The following EFCAB8 variants were observed in gnomAD, a reference collection of about 807,000 sequenced individuals.
EFCAB8 encodes the protein EF-hand calcium binding domain 8.
EFCAB8 carries 100 observed loss-of-function variants against 116.3 expected under a neutral mutation model. That is an observed-to-expected ratio of 0.86 (90% CI 0.73 to 1.02). EFCAB8 has a LOEUF of 1.02. Among genes scored for constraint, EFCAB8 ranks in the 50% least tolerant of loss-of-function variants. EFCAB8 has a pLI of 0.00. For missense variants in EFCAB8, 1,320 were observed against 1,416.9 expected, an observed-to-expected ratio of 0.93 and a Z score of 1.10; for synonymous variants, 558 against 567.9, an observed-to-expected ratio of 0.98 and a Z score of 0.25.
chr20:32,915,829 A>G (rs1185618341), intron 17 of EFCAB8, among the ~76,000 whole-genome samples: 1 of 151,920 alleles, frequency 6.6e-6, no homozygotes, highest in African/African-American at 2.4e-5. Context: ...GTGCCACCAC[A>G]CCTGGCTAAT....
Position 32,861,887 on chromosome 20 carries a change from A to T in EFCAB8, c.-10-1896A>T, listed in dbSNP as rs575665923. On this transcript the variant is annotated intron_variant, in intron 1 of 26. Transcript: ENST00000400522. ...GGCTCTTTTTTATGCATGTGCCAAT[A>T]TGCACATGCATATATTCTTAACAGA... Among the ~76,000 whole-genome samples, 7 of 152,066 alleles carry T rather than the reference A, an allele frequency of 4.6e-5. No homozygotes were observed. The East Asian group carries it at 1.4e-3, about 29-fold the overall frequency.
At chr20:32,859,914 C>T (rs990932233) in intron 1 of EFCAB8, among the ~76,000 whole-genome samples, 2 of 152,188 alleles carry the variant, frequency 1.3e-5, no homozygotes, top group Non-Finnish European at 1.5e-5. Context: ...TTTTCCCAAT[C>T]GGATTCAATT....
At chr20:32,920,318 T>A in intron 20 of EFCAB8, 103 bp downstream of exon 20, 1 of 1,441,678 alleles carries the variant, frequency 6.9e-7, no homozygotes, top group Non-Finnish European at 9.3e-7. Context: ...GGGCCCGGCC[T>A]GATTCTCCCC....
chr20:32,876,338 C>T (rs1984972965), intron 4 of EFCAB8, among the ~76,000 whole-genome samples: 1 of 152,200 alleles, frequency 6.6e-6, no homozygotes, highest in Non-Finnish European at 1.5e-5. Context: ...CACCAACCTC[C>T]CATTTGGCTT....
intron 23 of EFCAB8, among the ~76,000 whole-genome samples, chr20:32,946,589 T>G (rs898430755): frequency 1.3e-5 from 2 of 152,206 alleles, no homozygotes; most frequent in African/African-American, 4.8e-5. Context: ...TCTTTGACTA[T>G]CCCCTAAATA....
At chr20:32,882,569 A>T (rs1227032520) in intron 5 of EFCAB8, among the ~76,000 whole-genome samples, 1 of 152,166 alleles carries the variant, frequency 6.6e-6, no homozygotes, top group African/African-American at 2.4e-5. Context: ...GGCCCAGGCT[A>T]GAATGCAGTG....
intron 23 of EFCAB8, among the ~76,000 whole-genome samples, chr20:32,952,548 T>C (rs775328460): frequency 6.6e-6 from 1 of 152,262 alleles, no homozygotes; most frequent in Non-Finnish European, 1.5e-5. Context: ...CAATTTGTTA[T>C]TGGCCACTCA....
At chr20:32,889,630 T>C (rs544276385) in intron 7 of EFCAB8, among the ~76,000 whole-genome samples, 1 of 152,162 alleles carries the variant, frequency 6.6e-6, no homozygotes, top group Non-Finnish European at 1.5e-5. Context: ...CCAGAGGCCA[T>C]ACTGGTCCAT....
At chr20:32,913,898 G>A (rs916514373) in intron 17 of EFCAB8, among the ~76,000 whole-genome samples, 1 of 152,196 alleles carries the variant, frequency 6.6e-6, no homozygotes, top group Non-Finnish European at 1.5e-5. Context: ...GGCCTGCTGG[G>A]GTGGCAATTC....
chr20:32,892,324 A>G (rs559536926), intron 8 of EFCAB8, 27 bp downstream of exon 8: 1 of 1,548,630 alleles, frequency 6.5e-7, no homozygotes, highest in East Asian at 2.4e-5. Flanking sequence ...TGTTCCTCAC[A>G]TGAACCAGGA....
At chr20:32,907,189 C>A in intron 13 of EFCAB8, 195 bp downstream of exon 13, 1 of 917,180 alleles carries the variant, frequency 1.1e-6, no homozygotes, top group Non-Finnish European at 1.3e-6. Context: ...GGTAGCCCAG[C>A]CTGGCTTCTA....
At chr20:32,863,073 G>A (rs1404000624) in intron 1 of EFCAB8, among the ~76,000 whole-genome samples, 1 of 151,462 alleles carries the variant, frequency 6.6e-6, no homozygotes, top group Non-Finnish European at 1.5e-5. Context: ...GGACCCTTCA[G>A]ATCAAGCCAA....
rs760366369 is a variant in EFCAB8 at position 32,892,237 on chromosome 20, A to G, written c.698A>G (p.Lys233Arg). 2.2e-5 allele frequency: 34 copies of G among 1,551,550 alleles called. No homozygotes were observed. The highest frequency in any genetic ancestry group is 3.3e-4 in the Middle Eastern group (2 of 6,010). Residue 233 changes from lysine to arginine, a missense_variant, in exon 8 of 27, where the codon AAA becomes AGA. Transcript: ENST00000400522. ...GATTTCTTTGATATTAGTGACCACA[A>G]ATGTGTCCGGGCCTTCACCTTTGTT... is the stretch of plus-strand genomic sequence containing the variant. ...KIDFFDISDHKCVRAFTFVDL... is the reference protein window; with the variant it reads ...KIDFFDISDHRCVRAFTFVDL...
At chr20:32,882,490 A>C (rs1444744170) in intron 5 of EFCAB8, among the ~76,000 whole-genome samples, 6 of 152,188 alleles carry the variant, frequency 3.9e-5, no homozygotes, top group Non-Finnish European at 7.3e-5. Context: ...CAAGATGCTG[A>C]GTAAACCATT....
intron 20 of EFCAB8, among the ~76,000 whole-genome samples, chr20:32,921,273 A>G (rs1278844420): frequency 6.6e-6 from 1 of 151,934 alleles, no homozygotes; most frequent in East Asian, 1.9e-4. Context: ...AGCTCATTAC[A>G]GCCTCAACTC....
chr20:32,960,027 A>G, intron 25 of EFCAB8, 36 bp from the exon 26 acceptor site: 16 of 1,551,532 alleles, frequency 1.0e-5, no homozygotes, highest in Admixed American at 2.0e-5. Flanking sequence ...GGGACCCCCA[A>G]CTCGCAGCCT....
chr20:32,860,484 T>C (rs186554270), intron 1 of EFCAB8, among the ~76,000 whole-genome samples: 3 of 147,800 alleles, frequency 2.0e-5, no homozygotes, highest in African/African-American at 7.7e-5. Context: ...CCATCGCTGA[T>C]GGTGGTAACT....
rs1280377213 is a variant in EFCAB8 at position 32,912,871 on chromosome 20, A to G, written c.1856+7A>G. On this transcript the variant is annotated splice_region_variant and intron_variant, in intron 17 of 26. Coordinates refer to ENST00000400522, the MANE Select transcript of EFCAB8 (RefSeq NM_001143967.2). ...AGAGAATCACTCATTTCCTGTGAGT[A>G]GAAAGCATGTATGGTGAGTAGGTTC... The G allele has an allele frequency of 1.4e-6, 1 of 718,792 alleles. No homozygotes were observed. Among genetic ancestry groups the G allele is most frequent in the Non-Finnish European group, 2.6e-6 (1 of 385,142 alleles). The allele number at this position is 718,792 out of a possible 1,614,324, so 44.5% of individuals were successfully genotyped here. A position where few individuals can be genotyped will look rare whatever the true frequency, so the allele number is the denominator to read the frequency against.
At chr20:32,885,751 C>A (rs1166983912) in intron 6 of EFCAB8, 111 bp downstream of exon 6, 34 of 1,361,652 alleles carry the variant, frequency 2.5e-5, no homozygotes, top group Middle Eastern at 2.5e-4. Context: ...GTCTAAGCAG[C>A]CTGGACTTGC....
Sources: gnomAD v4.1 joint callset for allele counts (sites outside exome capture counted in the v4.1 genomes callset) on GRCh38, gnomAD v4.1.1 for gene constraint, MANE v1.5 for transcripts, NCBI Gene and HGNC (gene_info 2026-07-23, HGNC 2026-07-21) for gene names.